Variants in VIT observed in about 807,000 individuals in gnomAD.
VIT encodes vitrin.
In VIT, 99 loss-of-function variants were observed where a neutral mutation model predicts 78.0. That is an observed-to-expected ratio of 1.27 (90% CI 1.08 to 1.50). The LOEUF is 1.50. Ranked by LOEUF, VIT falls within the 40% of genes most tolerant of loss-of-function variation. The pLI, the probability that VIT is intolerant of heterozygous loss-of-function variation, is 0.00. For synonymous variants in VIT, 374 were observed against 334.3 expected (o/e 1.12, Z -1.29); for missense variants, 1,126 against 875.3 (o/e 1.29, Z -3.61).
chr2:36,708,117 C>CG (rs1003709915), intron 1 of VIT, among the ~76,000 whole-genome samples: 1 of 148,532 alleles, frequency 6.7e-6, no homozygotes, highest in South Asian at 2.1e-4. Flanking sequence ...ACCTCCCCCC[C>CG]CCGCCCACCT....
At chr2:36,803,381 C>T (rs1415030800) in intron 13 of VIT, among the ~76,000 whole-genome samples, 1 of 152,152 alleles carries the variant, frequency 6.6e-6, no homozygotes, top group Non-Finnish European at 1.5e-5. Context: ...TGATTTCCAG[C>T]CTCTATTTTC....
chr2:36,739,332 T>C (rs1667693712), intron 3 of VIT, among the ~76,000 whole-genome samples: 1 of 152,212 alleles, frequency 6.6e-6, no homozygotes, highest in Admixed American at 6.5e-5. Flanking sequence ...GCAGTTTGAT[T>C]TGGCCTACTA....
intron 6 of VIT, among the ~76,000 whole-genome samples, chr2:36,761,665 G>A (rs375641030): frequency 6.6e-6 from 1 of 152,008 alleles, no homozygotes; most frequent in Non-Finnish European, 1.5e-5. Flanking sequence ...ACTTGAACCC[G>A]GGAGGTGGAG....
chr2:36,730,278 A>C (rs1667112749), intron 3 of VIT, among the ~76,000 whole-genome samples: 1 of 149,138 alleles, frequency 6.7e-6, no homozygotes. Context: ...ACAGAGTGAG[A>C]CTGTGTGGAA....
intron 1 of VIT, among the ~76,000 whole-genome samples, chr2:36,707,633 G>A (rs577712801): frequency 1.2e-4 from 18 of 152,300 alleles, no homozygotes; most frequent in South Asian, 6.2e-4. Flanking sequence ...CAGTGGCCGG[G>A]CTGCACTGAT....
intron 15 of VIT, among the ~76,000 whole-genome samples, chr2:36,813,718 C>G (rs1399155658): frequency 6.6e-6 from 1 of 152,148 alleles, no homozygotes; most frequent in African/African-American, 2.4e-5. Context: ...CTTGAACCAG[C>G]TTTTGATGGC....
chr2:36,794,633 A>C (rs952968762), intron 12 of VIT, among the ~76,000 whole-genome samples: 2 of 152,180 alleles, frequency 1.3e-5, no homozygotes, highest in Non-Finnish European at 1.5e-5. Flanking sequence ...TTTGTGGAGG[A>C]TCTGATGAAA....
At chr2:36,772,965 T>A (rs1377496364) in intron 7 of VIT, among the ~76,000 whole-genome samples, 1 of 152,260 alleles carries the variant, frequency 6.6e-6, no homozygotes, top group Non-Finnish European at 1.5e-5. Context: ...TTCTCCCTTT[T>A]AAAACCTTGC....
intron 3 of VIT, among the ~76,000 whole-genome samples, chr2:36,731,435 GGC>G (rs1233213750): frequency 6.6e-6 from 1 of 151,818 alleles, no homozygotes; most frequent in Non-Finnish European, 1.5e-5. Flanking sequence ...CACCACACCC[GGC>G]TAATTTTTTG....
chr2:36,742,813 G>A (rs1478092401), intron 3 of VIT, among the ~76,000 whole-genome samples: 2 of 152,164 alleles, frequency 1.3e-5, no homozygotes, highest in African/African-American at 4.8e-5. Flanking sequence ...GAGGTGGGTG[G>A]TCTTTTCTCA....
intron 14 of VIT, among the ~76,000 whole-genome samples, chr2:36,805,926 G>A (rs963880469): frequency 6.6e-6 from 1 of 152,042 alleles, no homozygotes; most frequent in Non-Finnish European, 1.5e-5. Context: ...ACAGCCCCAG[G>A]GGGGGTCTCA....
At chr2:36,702,985 A>G (rs962546164) in intron 1 of VIT, among the ~76,000 whole-genome samples, 3 of 152,192 alleles carry the variant, frequency 2.0e-5, no homozygotes, top group African/African-American at 7.2e-5. Flanking sequence ...ACCAGAGCTA[A>G]AACAACCCCA....
chr2:36,717,636 T>A (rs1442474141), intron 2 of VIT, among the ~76,000 whole-genome samples: 1 of 152,176 alleles, frequency 6.6e-6, no homozygotes, highest in African/African-American at 2.4e-5. Flanking sequence ...TCAACTGAAG[T>A]GCTGAGGGGT....
chr2:36,765,414 CGA>C (rs71398212), intron 6 of VIT, among the ~76,000 whole-genome samples: 1 of 6,446 alleles, frequency 1.6e-4, no homozygotes, highest in African/African-American at 2.2e-4. Context: ...TGGCAGCAGG[CGA>C]GAGAGAGAGA....
At chr2:36,720,230 A>C (rs1456273349) in intron 2 of VIT, among the ~76,000 whole-genome samples, 2 of 152,186 alleles carry the variant, frequency 1.3e-5, no homozygotes, top group Non-Finnish European at 2.9e-5. Flanking sequence ...CAAATACCCA[A>C]CATCCAAATA....
Position 36,759,024 on chromosome 2 carries a change from G to C in VIT, c.465G>C (p.Ser155=). ...TYPSALTYSS[S]KSPAAQAGET... ...CATCAGCTCTTACATACTCATCATC[G>C]AAAAGTCCAGCTGCCCAAGCAGGCA... The change falls in exon 6 of 16, where the codon TCG becomes TCC. Residue 155 remains serine, a synonymous_variant. Transcript: ENST00000379242. The C allele has an allele frequency of 6.2e-7, 1 of 1,613,598 alleles. No individual in the cohort carries two copies. The highest frequency in any genetic ancestry group is 8.5e-7 in the Non-Finnish European group (1 of 1,179,982).
Position 36,729,593 on chromosome 2 carries a change from T to A in VIT, c.118+102T>A, listed in dbSNP as rs1667070296. The A allele has an allele frequency of 3.5e-6, 4 of 1,150,444 alleles. No homozygotes were observed. In the African/African-American group the frequency reaches 6.2e-5, roughly 18 times the overall value. The allele number at this position is 1,150,444 out of a possible 1,614,324, so 71.3% of individuals were successfully genotyped here. A position where few individuals can be genotyped will look rare whatever the true frequency, so the allele number is the denominator to read the frequency against. On this transcript the variant is annotated intron_variant, in intron 3 of 15. Transcript: ENST00000379242. ...AATTTTTGTTTTGGTTTGGTTTTTA[T>A]CTCTATGTCAATTAATTTCCACTCA...
intron 8 of VIT, among the ~76,000 whole-genome samples, chr2:36,774,231 G>C (rs1255176541): frequency 6.6e-6 from 1 of 150,842 alleles, no homozygotes; most frequent in African/African-American, 2.4e-5. Context: ...TCTCTTTTTT[G>C]CCTGAGTAAT....
At chr2:36,734,042 G>C (rs1051526414) in intron 3 of VIT, among the ~76,000 whole-genome samples, 14 of 152,160 alleles carry the variant, frequency 9.2e-5, no homozygotes, top group African/African-American at 3.4e-4. Context: ...GTGGCTCCTG[G>C]ACCGGCAGCA....
Sources: allele counts gnomAD v4.1 joint callset (sites outside exome capture counted in the v4.1 genomes callset), GRCh38; gene constraint gnomAD v4.1.1; transcripts MANE v1.5; gene names NCBI Gene and HGNC (gene_info 2026-07-23, HGNC 2026-07-21).